INPP4B: variants seen among roughly 807,000 people sequenced by gnomAD.
INPP4B encodes inositol polyphosphate-4-phosphatase type II B.
A neutral mutation model predicts 122.5 loss-of-function variants in INPP4B; 55 were observed. The observed-to-expected ratio is 0.45, with a 90% CI of 0.36 to 0.56. The LOEUF is 0.56. Among genes scored for constraint, INPP4B ranks in the 20% least tolerant of loss-of-function variants. INPP4B has a pLI of 0.00. For synonymous variants in INPP4B, 403 were observed against 388.7 expected (o/e 1.04, Z -0.43); for missense variants, 1,000 against 1,097.7 (o/e 0.91, Z 1.26).
chr4:142,210,824 G>C (rs1343495464), intron 12 of INPP4B, among the ~76,000 whole-genome samples: 2 of 152,144 alleles, frequency 1.3e-5, no homozygotes, highest in Non-Finnish European at 1.5e-5. Context: ...GGGGGATGAC[G>C]AGGAAGGTAG....
At chr4:142,629,327 A>T (rs13353798) in intron 2 of INPP4B, among the ~76,000 whole-genome samples, 1 of 152,038 alleles carries the variant, frequency 6.6e-6, no homozygotes, top group Non-Finnish European at 1.5e-5. Context: ...AAACTGTAAG[A>T]GAGTATATAT....
At chr4:142,609,888 A>G (rs1742105559) in intron 2 of INPP4B, among the ~76,000 whole-genome samples, 1 of 152,220 alleles carries the variant, frequency 6.6e-6, no homozygotes, top group African/African-American at 2.4e-5. Flanking sequence ...CCTAAGAAGT[A>G]GTGAATAGAA....
At chr4:142,100,119 A>C (rs1561116028) in intron 23 of INPP4B, among the ~76,000 whole-genome samples, 2 of 152,142 alleles carry the variant, frequency 1.3e-5, no homozygotes, top group Non-Finnish European at 2.9e-5. Flanking sequence ...TCAATCGCTG[A>C]TATGCCCTCA....
At chr4:142,423,820 A>AT (rs1161217772) in intron 5 of INPP4B, 6 of 438,506 alleles carry the variant, frequency 1.4e-5, no homozygotes, top group Non-Finnish European at 2.2e-5. Context: ...TTAATTTCCT[A>AT]TAAAAAAAAA....
intron 2 of INPP4B, among the ~76,000 whole-genome samples, chr4:142,604,360 A>G (rs1361628099): frequency 3.9e-5 from 6 of 152,116 alleles, no homozygotes; most frequent in Admixed American, 1.3e-4. Flanking sequence ...TTATCATAAT[A>G]CTGTAAGTTC....
At chr4:142,701,484 A>G (rs1330666215) in intron 2 of INPP4B, among the ~76,000 whole-genome samples, 1 of 151,752 alleles carries the variant, frequency 6.6e-6, no homozygotes, top group African/African-American at 2.4e-5. Flanking sequence ...ATGAAAAATA[A>G]TAACAAGCAG....
chr4:142,640,186 A>T (rs1750080414), intron 2 of INPP4B, among the ~76,000 whole-genome samples: 1 of 152,178 alleles, frequency 6.6e-6, no homozygotes, highest in Admixed American at 6.5e-5. Context: ...AGATATTCCA[A>T]TGGTACCTAA....
chr4:142,185,716 A>G (rs1354312886), intron 15 of INPP4B, among the ~76,000 whole-genome samples: 1 of 151,616 alleles, frequency 6.6e-6, no homozygotes, highest in Non-Finnish European at 1.5e-5. Flanking sequence ...TGTCTCTACT[A>G]AAAATACAAA....
chr4:142,568,070 T>G (rs1338689934), intron 2 of INPP4B, among the ~76,000 whole-genome samples: 1 of 152,142 alleles, frequency 6.6e-6, no homozygotes, highest in Non-Finnish European at 1.5e-5. Flanking sequence ...AGCTCAAGGC[T>G]GAACCTTTCC....
intron 2 of INPP4B, among the ~76,000 whole-genome samples, chr4:142,689,287 T>C (rs1759812311): frequency 6.6e-6 from 1 of 152,118 alleles, no homozygotes. Context: ...TTACCTCACC[T>C]TTACATCCCT....
intron 25 of INPP4B, among the ~76,000 whole-genome samples, chr4:142,075,443 G>A (rs778325537): frequency 4.6e-5 from 7 of 151,918 alleles, no homozygotes; most frequent in African/African-American, 7.2e-5. Flanking sequence ...TAGATTCCCC[G>A]ATGCTATAGC....
intron 2 of INPP4B, among the ~76,000 whole-genome samples, chr4:142,500,499 G>A (rs1037871534): frequency 3.3e-5 from 5 of 152,152 alleles, no homozygotes; most frequent in Non-Finnish European, 7.4e-5. Context: ...TCAAGAACCT[G>A]GGAGCCATCC....
chr4:142,082,309 A>T, intron 24 of INPP4B, 124 bp from the exon 25 acceptor site: 1 of 740,288 alleles, frequency 1.4e-6, no homozygotes, highest in South Asian at 4.4e-5. Context: ...AGTTTATGAT[A>T]GTCAATTTGT....
chr4:142,588,643 G>A lies in INPP4B; in HGVS notation c.-190-125917C>T, dbSNP rs547336202. 1.2e-3 allele frequency among the ~76,000 whole-genome samples: 186 copies of A among 151,112 alleles called. No individual in the cohort carries two copies. The Middle Eastern group carries it at 0.017, about 14-fold the overall frequency. Reference sequence around the variant, plus strand: ...AGAATAAATATAACAAAATATGTATGAGGTCTATATGCAGAAAACTATAAA... The same window carrying A: ...AGAATAAATATAACAAAATATGTATAAGGTCTATATGCAGAAAACTATAAA... On this transcript the variant is annotated intron_variant, in intron 2 of 25. Coordinates refer to ENST00000262992, the MANE Select transcript of INPP4B (RefSeq NM_001101669.3).
intron 9 of INPP4B, among the ~76,000 whole-genome samples, chr4:142,304,614 C>T (rs1464870572): frequency 6.6e-6 from 1 of 152,018 alleles, no homozygotes; most frequent in African/African-American, 2.4e-5. Flanking sequence ...CGGAAGGGGA[C>T]AAACAAACTT....
chr4:142,680,012 C>G (rs1287402033), intron 2 of INPP4B, among the ~76,000 whole-genome samples: 1 of 151,770 alleles, frequency 6.6e-6, no homozygotes, highest in Non-Finnish European at 1.5e-5. Flanking sequence ...TTCATCTATT[C>G]CATTTTATTT....
intron 12 of INPP4B, among the ~76,000 whole-genome samples, chr4:142,232,419 C>A (rs927857304): frequency 1.3e-5 from 2 of 152,020 alleles, no homozygotes; most frequent in Non-Finnish European, 2.9e-5. Context: ...TCAGTCATGG[C>A]AACCTGTGAT....
chr4:142,487,704 C>A (rs1215054868), intron 2 of INPP4B, among the ~76,000 whole-genome samples: 1 of 152,026 alleles, frequency 6.6e-6, no homozygotes, highest in Non-Finnish European at 1.5e-5. Context: ...TTATTATAAA[C>A]AATTAATCTA....
chr4:142,532,617 G>A lies in INPP4B; in HGVS notation c.-190-69891C>T, dbSNP rs577968336. On this transcript the variant is annotated intron_variant, in intron 2 of 25. Transcript: ENST00000262992. ...AAAAGAGAAGGAACCACAATAGCCC[G>A]CCAGATTAAGATAGGACCTCAGTAA... 7.2e-5 allele frequency among the ~76,000 whole-genome samples: 11 copies of A among 152,094 alleles called. No individual in the cohort carries two copies. The East Asian group carries it at 1.5e-3, about 21-fold the overall frequency.
Sources: gnomAD v4.1 joint callset for allele counts (sites outside exome capture counted in the v4.1 genomes callset) on GRCh38, gnomAD v4.1.1 for gene constraint, MANE v1.5 for transcripts, NCBI Gene and HGNC (gene_info 2026-07-23, HGNC 2026-07-21) for gene names.